The following IL1RAPL2 variants were observed in gnomAD, a reference collection of about 807,000 sequenced individuals.
IL1RAPL2 encodes interleukin 1 receptor accessory protein like 2.
IL1RAPL2 carries 3 observed loss-of-function variants against 44.1 expected under a neutral mutation model. The observed-to-expected ratio is 0.07, with a 90% CI of 0.03 to 0.18. The LOEUF is 0.18. IL1RAPL2 is among the 10% of genes least tolerant of loss of function. The pLI is 1.00. For synonymous variants in IL1RAPL2, 181 were observed against 178.8 expected, an observed-to-expected ratio of 1.01 and a Z score of -0.10; for missense variants, 391 against 496.4, an observed-to-expected ratio of 0.79 and a Z score of 2.02.
intron 6 of IL1RAPL2, among the ~76,000 whole-genome samples, chrX:105,692,953 C>A (rs1256726637): frequency 9.0e-6 from 1 of 111,520 alleles, no homozygotes; most frequent in Non-Finnish European, 1.9e-5. Context: ...ATTTAAGATT[C>A]TTCTGTGGAT....
intron 2 of IL1RAPL2, among the ~76,000 whole-genome samples, chrX:104,894,854 G>C (rs1923587570): frequency 1.8e-5 from 2 of 112,194 alleles, no homozygotes. Flanking sequence ...TGGAGGGGGA[G>C]AGGCACTCTG....
chrX:104,840,662 T>C (rs934298528), intron 2 of IL1RAPL2, among the ~76,000 whole-genome samples: 7 of 108,982 alleles, frequency 6.4e-5, no homozygotes, highest in Non-Finnish European at 1.3e-4. Context: ...CAGTGGGATG[T>C]TAAAGTCTCT....
At chrX:104,757,064 A>G (rs774665100) in intron 2 of IL1RAPL2, among the ~76,000 whole-genome samples, 1 of 111,556 alleles carries the variant, frequency 9.0e-6, no homozygotes, top group East Asian at 2.8e-4. Flanking sequence ...GCTCTGACTT[A>G]TGTTTTAACA....
chrX:104,738,462 G>A (rs1300855220), intron 2 of IL1RAPL2, among the ~76,000 whole-genome samples: 2 of 112,171 alleles, frequency 1.8e-5, no homozygotes. Context: ...AGACAACACA[G>A]GTAAACTGAA....
chrX:104,671,662 A>G (rs1197379368), intron 2 of IL1RAPL2, among the ~76,000 whole-genome samples: 3 of 111,900 alleles, frequency 2.7e-5, no homozygotes, highest in Non-Finnish European at 5.6e-5. Flanking sequence ...TCGATTCTCT[A>G]TACCTGGTAG....
Position 105,767,355 on chromosome X carries a change from C to G in IL1RAPL2, c.1755C>G (p.Pro585=). The change falls in exon 11 of 11, where the codon CCC becomes CCG. Residue 585 remains proline, a synonymous_variant. Coordinates refer to ENST00000372582, the MANE Select transcript of IL1RAPL2 (RefSeq NM_017416.2). ...QGLFGELQPI[P]SIAMTSTSAT... ...TTTTTGGAGAACTCCAGCCTATACC[C>G]TCTATTGCCATGACCAGTACTTCAG... 1 of 1,211,852 alleles carries G rather than the reference C, an allele frequency of 8.3e-7. No homozygotes were observed. Among genetic ancestry groups the G allele is most frequent in the Admixed American group, 2.2e-5 (1 of 46,093 alleles).
At chrX:104,622,300 C>T (rs1929415327) in intron 1 of IL1RAPL2, among the ~76,000 whole-genome samples, 1 of 107,407 alleles carries the variant, frequency 9.3e-6, no homozygotes, top group Non-Finnish European at 1.9e-5. Context: ...TACAGAACGG[C>T]AGAGGGTATA....
At chrX:104,664,810 A>G (rs1930461347) in intron 2 of IL1RAPL2, among the ~76,000 whole-genome samples, 1 of 111,411 alleles carries the variant, frequency 9.0e-6, no homozygotes, top group Non-Finnish European at 1.9e-5. Context: ...TCTCCATTCC[A>G]TATTTGTATT....
chrX:105,316,383 G>T (rs1469845355), intron 5 of IL1RAPL2, among the ~76,000 whole-genome samples: 13 of 112,248 alleles, frequency 1.2e-4, no homozygotes, highest in African/African-American at 4.2e-4. Flanking sequence ...TGATGGCCAA[G>T]ACTGTGTACT....
chrX:105,713,400 C>A (rs2038229518), intron 6 of IL1RAPL2, among the ~76,000 whole-genome samples: 1 of 111,428 alleles, frequency 9.0e-6, no homozygotes, highest in Admixed American at 9.5e-5. Flanking sequence ...GTTCTGTACA[C>A]CTGCAGGCCC....
chrX:105,144,114 TG>T (rs1195329895), intron 2 of IL1RAPL2, among the ~76,000 whole-genome samples: 3 of 103,534 alleles, frequency 2.9e-5, no homozygotes, highest in Admixed American at 1.0e-4. Context: ...TGTGTGTGTG[TG>T]TGTGTGTGTG....
In IL1RAPL2 at chrX:105,011,421, T is replaced by C. The variant is rs145484594; in HGVS notation, c.83-184054T>C. 4.5e-3 allele frequency among the ~76,000 whole-genome samples: 504 copies of C among 111,313 alleles called. 1 individual carries two copies. The highest frequency in any genetic ancestry group is 7.0e-3 in the Non-Finnish European group (369 of 52,848). On this transcript the variant is annotated intron_variant, in intron 2 of 10. Coordinates refer to ENST00000372582, the MANE Select transcript of IL1RAPL2 (RefSeq NM_017416.2). ...AAAAACCACCCATTTTATTGTATAG[T>C]TAAATGATTTTTAGTAAATTTGCCA...
intron 2 of IL1RAPL2, among the ~76,000 whole-genome samples, chrX:105,169,208 C>T (rs1421597363): frequency 9.0e-6 from 1 of 111,634 alleles, no homozygotes; most frequent in African/African-American, 3.3e-5. Context: ...TACTCCTTTC[C>T]TTTTTCCTTC....
intron 9 of IL1RAPL2, among the ~76,000 whole-genome samples, chrX:105,750,627 C>T (rs2038589538): frequency 1.8e-5 from 2 of 108,988 alleles, no homozygotes; most frequent in Admixed American, 9.9e-5. Flanking sequence ...TTGATGAGTA[C>T]ATATGCATGC....
chrX:104,729,752 T>G, intron 2 of IL1RAPL2, among the ~76,000 whole-genome samples: 1 of 110,463 alleles, frequency 9.1e-6, no homozygotes, highest in Non-Finnish European at 1.9e-5. Context: ...AGTGAGAACA[T>G]GTGGTATTTG....
chrX:104,916,045 C>T (rs1212256973), intron 2 of IL1RAPL2, among the ~76,000 whole-genome samples: 2 of 111,298 alleles, frequency 1.8e-5, no homozygotes, highest in Non-Finnish European at 3.8e-5. Context: ...TTGACTTGGC[C>T]ATGTGGGCTC....
chrX:105,390,259 T>C (rs1049252414), intron 5 of IL1RAPL2, among the ~76,000 whole-genome samples: 4 of 111,236 alleles, frequency 3.6e-5, no homozygotes, highest in East Asian at 2.8e-4. Context: ...ATCCAGCCCC[T>C]GCCTCAAATC....
intron 2 of IL1RAPL2, among the ~76,000 whole-genome samples, chrX:105,086,664 TG>T (rs1196142368): frequency 9.1e-6 from 1 of 109,298 alleles, no homozygotes; most frequent in Admixed American, 9.9e-5. Context: ...GTTATGGCTA[TG>T]TTAATTACCT....
At chrX:105,541,192 G>C (rs977896042) in intron 6 of IL1RAPL2, among the ~76,000 whole-genome samples, 22 of 109,314 alleles carry the variant, frequency 2.0e-4, no homozygotes, top group Non-Finnish European at 3.8e-5. Flanking sequence ...AGTCTTAAGT[G>C]GATTTCTACT....
Sources: gnomAD v4.1 joint callset for allele counts (sites outside exome capture counted in the v4.1 genomes callset) on GRCh38, gnomAD v4.1.1 for gene constraint, MANE v1.5 for transcripts, NCBI Gene and HGNC (gene_info 2026-07-23, HGNC 2026-07-21) for gene names.